Variants in JAZF1 observed in about 807,000 individuals in gnomAD.
The protein encoded by JAZF1 is JAZF zinc finger 1.
JAZF1 carries 8 observed loss-of-function variants against 26.4 expected under a neutral mutation model. The observed-to-expected ratio is 0.30, with a 90% CI of 0.18 to 0.55. JAZF1 has a LOEUF of 0.55. JAZF1 is among the 20% of genes least tolerant of loss of function. The pLI, the probability that JAZF1 is intolerant of heterozygous loss-of-function variation, is 0.94. For synonymous variants in JAZF1, 126 were observed against 122.3 expected (o/e 1.03, Z -0.20); for missense variants, 199 against 322.0 (o/e 0.62, Z 2.92).
At chr7:27,889,932 C>CAAAAA (rs5883106) in intron 3 of JAZF1, among the ~76,000 whole-genome samples, 1 of 145,036 alleles carries the variant, frequency 6.9e-6, no homozygotes, top group Non-Finnish European at 1.5e-5. Context: ...GACTTTCTCT[C>CAAAAA]AAAAAAAAAA....
intron 1 of JAZF1, among the ~76,000 whole-genome samples, chr7:28,055,409 A>G (rs989387167): frequency 2.0e-5 from 3 of 152,050 alleles, no homozygotes; most frequent in South Asian, 4.2e-4. Context: ...ACACCCCTCA[A>G]CAGCCTTCCC....
intron 1 of JAZF1, among the ~76,000 whole-genome samples, chr7:28,178,537 T>C (rs1187167242): frequency 1.3e-5 from 2 of 152,190 alleles, no homozygotes; most frequent in Non-Finnish European, 2.9e-5. Context: ...TACATATTAA[T>C]GTATAGCATT....
At chr7:28,062,015 A>T (rs1783804455) in intron 1 of JAZF1, among the ~76,000 whole-genome samples, 2 of 152,348 alleles carry the variant, frequency 1.3e-5, no homozygotes, top group South Asian at 4.1e-4. Context: ...GCAAAACCAC[A>T]GAATTTTTTA....
At chr7:27,900,685 AGAAT>A (rs1466348958) in intron 2 of JAZF1, among the ~76,000 whole-genome samples, 4 of 152,244 alleles carry the variant, frequency 2.6e-5, no homozygotes, top group Non-Finnish European at 5.9e-5. Flanking sequence ...GAAGGAACGA[AGAAT>A]GAATAAGAAA....
At chr7:27,926,476 T>C (rs1404112309) in intron 2 of JAZF1, among the ~76,000 whole-genome samples, 1 of 152,228 alleles carries the variant, frequency 6.6e-6, no homozygotes, top group Non-Finnish European at 1.5e-5. Flanking sequence ...TTGGGTAATT[T>C]GTGCATGTCA....
intron 1 of JAZF1, among the ~76,000 whole-genome samples, chr7:28,039,042 C>G (rs2128376721): frequency 6.6e-6 from 1 of 152,160 alleles, no homozygotes; most frequent in African/African-American, 2.4e-5. Flanking sequence ...TTTGTGTTAA[C>G]AAATTAATAA....
At chr7:28,044,571 G>C (rs1783461329) in intron 1 of JAZF1, among the ~76,000 whole-genome samples, 2 of 152,082 alleles carry the variant, frequency 1.3e-5, no homozygotes, top group Admixed American at 1.3e-4. Flanking sequence ...TGAAAGTTCA[G>C]CAAGACAGTG....
chr7:28,060,848 T>A (rs1459347305), intron 1 of JAZF1, among the ~76,000 whole-genome samples: 1 of 152,192 alleles, frequency 6.6e-6, no homozygotes, highest in Admixed American at 6.5e-5. Flanking sequence ...GTCCAGAGCC[T>A]CCAGAGCTCT....
At chr7:27,906,065 G>C (rs1253499627) in intron 2 of JAZF1, among the ~76,000 whole-genome samples, 1 of 152,148 alleles carries the variant, frequency 6.6e-6, no homozygotes, top group Non-Finnish European at 1.5e-5. Context: ...TCAGTTGCAA[G>C]GAATGCTGAC....
intron 1 of JAZF1, among the ~76,000 whole-genome samples, chr7:28,143,920 G>A (rs867352282): frequency 9.9e-5 from 15 of 151,950 alleles, no homozygotes; most frequent in Middle Eastern, 3.4e-3. Flanking sequence ...TTTTCATTTC[G>A]TGCTGAATCC....
intron 1 of JAZF1, among the ~76,000 whole-genome samples, chr7:28,131,409 C>G (rs779865706): frequency 1.5e-4 from 23 of 152,182 alleles, no homozygotes; most frequent in Non-Finnish European, 2.6e-4. Flanking sequence ...GATTCTCAAT[C>G]CCTTTCCAAA....
intron 2 of JAZF1, among the ~76,000 whole-genome samples, chr7:27,945,111 C>T (rs2128353330): frequency 6.6e-6 from 1 of 152,150 alleles, no homozygotes; most frequent in South Asian, 2.1e-4. Flanking sequence ...TTTGGTACCT[C>T]TGGGGATACT....
At chr7:28,119,318 C>A (rs150258793) in intron 1 of JAZF1, among the ~76,000 whole-genome samples, 194 of 152,276 alleles carry the variant, frequency 1.3e-3, no homozygotes, top group African/African-American at 4.1e-3. Flanking sequence ...CTAAAACTAA[C>A]CATTAATACC....
intron 1 of JAZF1, among the ~76,000 whole-genome samples, chr7:28,100,982 T>C (rs1784462834): frequency 1.3e-5 from 2 of 152,256 alleles, no homozygotes; most frequent in South Asian, 4.1e-4. Flanking sequence ...AACAGTGAGC[T>C]GGTGATAGGA....
chr7:27,839,841 TA>T (rs1175152502), intron 4 of JAZF1, among the ~76,000 whole-genome samples: 1 of 152,194 alleles, frequency 6.6e-6, no homozygotes, highest in Non-Finnish European at 1.5e-5. Flanking sequence ...TTTTAAGCTT[TA>T]AAAAATAGTC....
At chr7:27,922,792 C>G (rs1001251614) in intron 2 of JAZF1, among the ~76,000 whole-genome samples, 3 of 152,044 alleles carry the variant, frequency 2.0e-5, no homozygotes, top group Non-Finnish European at 4.4e-5. Context: ...CCTGGAGCAC[C>G]CAGAGATACA....
intron 1 of JAZF1, among the ~76,000 whole-genome samples, chr7:28,073,433 A>T (rs1217499847): frequency 6.6e-6 from 1 of 152,152 alleles, no homozygotes; most frequent in Non-Finnish European, 1.5e-5. Context: ...ACTGAAAATC[A>T]AAGCCAGGAC....
intron 3 of JAZF1, among the ~76,000 whole-genome samples, chr7:27,891,569 G>A (rs1783977082): frequency 6.6e-6 from 1 of 152,222 alleles, no homozygotes; most frequent in Non-Finnish European, 1.5e-5. Flanking sequence ...GCCCCTGCCT[G>A]TAATCACAGA....
intron 2 of JAZF1, among the ~76,000 whole-genome samples, chr7:27,930,049 C>G (rs1784663967): frequency 6.6e-6 from 1 of 151,238 alleles, no homozygotes; most frequent in Non-Finnish European, 1.5e-5. Flanking sequence ...AGGCTGGAGT[C>G]CAGTGGTGCG....
Sources: gnomAD v4.1 joint callset for allele counts (sites outside exome capture counted in the v4.1 genomes callset) on GRCh38, gnomAD v4.1.1 for gene constraint, MANE v1.5 for transcripts, NCBI Gene and HGNC (gene_info 2026-07-23, HGNC 2026-07-21) for gene names.